Variants in SDR16C5 observed in about 807,000 individuals in gnomAD.
SDR16C5 encodes the protein short chain dehydrogenase/reductase family 16C member 5.
Under a neutral mutation model 27.7 loss-of-function variants are expected in SDR16C5, and 20 were observed. That is an observed-to-expected ratio of 0.72 (90% CI 0.51 to 1.05). SDR16C5 has a LOEUF of 1.05. SDR16C5 is among the 50% of genes least tolerant of loss of function. The pLI, the probability that SDR16C5 is intolerant of heterozygous loss-of-function variation, is 0.00. For missense variants in SDR16C5, 374 were observed against 366.3 expected, an observed-to-expected ratio of 1.02 and a Z score of -0.17; for synonymous variants, 139 against 132.3, an observed-to-expected ratio of 1.05 and a Z score of -0.35.
intron 1 of SDR16C5, among the ~76,000 whole-genome samples, chr8:56,317,734 C>T (rs1032463475): frequency 3.9e-5 from 6 of 152,182 alleles, no homozygotes; most frequent in Admixed American, 1.3e-4. Flanking sequence ...TTGTTCCTGG[C>T]TTATTGTACA....
rs73679813 is a variant in SDR16C5 at position 56,305,225 on chromosome 8, G to A, written c.836+372C>T. On this transcript the variant is annotated intron_variant, in intron 6 of 6. Coordinates refer to ENST00000303749, the MANE Select transcript of SDR16C5 (RefSeq NM_138969.4). Reference sequence around the variant, plus strand: ...TGTCTGGCCTTGACTTTGGGACCCTGTACTTGAGGAGGCATGGATACAATA... The same window carrying A: ...TGTCTGGCCTTGACTTTGGGACCCTATACTTGAGGAGGCATGGATACAATA... Among the ~76,000 whole-genome samples, 879 of 152,280 alleles carry A rather than the reference G, an allele frequency of 5.8e-3. 11 individuals carry two copies. Among genetic ancestry groups the A allele is most frequent in the African/African-American group, 0.021 (856 of 41,536 alleles).
chr8:56,304,933 C>T (rs992908699), intron 6 of SDR16C5, among the ~76,000 whole-genome samples: 1 of 152,128 alleles, frequency 6.6e-6, no homozygotes, highest in African/African-American at 2.4e-5. Context: ...CCATGCCTGG[C>T]TTATTTATTC....
chr8:56,301,685 GCA>G (rs1164950775), intron 6 of SDR16C5, 112 bp from the exon 7 acceptor site: 1 of 755,880 alleles, frequency 1.3e-6, no homozygotes, highest in Non-Finnish European at 2.3e-6. Flanking sequence ...ACTCACTCAT[GCA>G]CACACTATGC....
intron 5 of SDR16C5, 115 bp from the exon 6 acceptor site, chr8:56,305,837 CT>C: frequency 9.4e-7 from 1 of 1,064,530 alleles, no homozygotes; most frequent in South Asian, 1.7e-5. Context: ...TATTTCTTTG[CT>C]TTTCAATTTC....
intron 2 of SDR16C5, among the ~76,000 whole-genome samples, chr8:56,313,861 A>G (rs1226602578): frequency 5.9e-5 from 9 of 152,154 alleles, no homozygotes; most frequent in African/African-American, 2.2e-4. Context: ...ACGCTGTCAT[A>G]TCACTCTGAA....
At chr8:56,306,374 T>C (rs1814881028) in intron 5 of SDR16C5, among the ~76,000 whole-genome samples, 4 of 152,140 alleles carry the variant, frequency 2.6e-5, no homozygotes. Flanking sequence ...CCTCCTGGAA[T>C]CAGAGAGGGA....
At chr8:56,311,286 G>T (rs927504305) in intron 3 of SDR16C5, among the ~76,000 whole-genome samples, 1 of 152,016 alleles carries the variant, frequency 6.6e-6, no homozygotes, top group East Asian at 1.9e-4. Context: ...GTGGTGGCGC[G>T]CACCTGTAAT....
Position 56,305,721 on chromosome 8 carries a change from A to G in SDR16C5, c.712T>C (p.Cys238Arg). Reference sequence around the variant, plus strand: ...TCCAGAATTGGCAACAGAGAAGGACAGCTAGGATATAAAATGACAACAATT... The same window carrying G: ...TCCAGAATTGGCAACAGAGAAGGACGGCTAGGATATAAAATGACAACAATT... ...TGMFEGCTTG[C>R]PSLLPILEPK... The change falls in exon 6 of 7, where the codon TGT becomes CGT. Residue 238 changes from cysteine (C) to arginine (R), a missense_variant and splice_region_variant. Physicochemically the swap from Cys to Arg is radical, Grantham distance 180 (BLOSUM62 -3). Transcript: ENST00000303749. 1 of 1,581,912 alleles carries G rather than the reference A, an allele frequency of 6.3e-7. No individual in the cohort carries two copies. The highest frequency in any genetic ancestry group is 8.5e-7 in the Non-Finnish European group (1 of 1,171,256).
At position 56,305,671 on chromosome 8, in the gene SDR16C5, T is replaced by G. The variant is rs935843764; in HGVS notation, c.762A>C (p.Ile254=). The change falls in exon 6 of 7, where the codon ATA becomes ATC. Residue 254 remains isoleucine, a synonymous_variant. Coordinates refer to ENST00000303749, the MANE Select transcript of SDR16C5 (RefSeq NM_138969.4). Reference sequence around the variant, plus strand: ...TTTTTTCTTGTAGAATAGCTTCTACTATTTTTTCAACTGCATATTTTGGTT... The same window carrying G: ...TTTTTTCTTGTAGAATAGCTTCTACGATTTTTTCAACTGCATATTTTGGTT... The part of the protein sequence containing the change: ...ILEPKYAVEK[I]VEAILQEKMY... 6.2e-7 allele frequency: 1 copy of G among 1,604,726 alleles called. No homozygotes were observed. Among genetic ancestry groups the G allele is most frequent in the Non-Finnish European group, 8.5e-7 (1 of 1,177,228 alleles).
intron 3 of SDR16C5, chr8:56,309,521 G>C (rs1049978153): frequency 1.0e-6 from 1 of 985,080 alleles, no homozygotes; most frequent in South Asian, 4.7e-5. Context: ...TCGTAAAACA[G>C]AATATCTATT....
At chr8:56,303,717 G>A (rs1814815698) in intron 6 of SDR16C5, among the ~76,000 whole-genome samples, 1 of 152,176 alleles carries the variant, frequency 6.6e-6, no homozygotes, top group South Asian at 2.1e-4. Flanking sequence ...CCCATAACTA[G>A]TATTGCATAA....
At position 56,305,781 on chromosome 8, in the gene SDR16C5, G is replaced by T. The variant is rs7003428; in HGVS notation, c.711-59C>A. 599 of 1,518,818 alleles carry T rather than the reference G, an allele frequency of 3.9e-4. 3 individuals are homozygous for T. The African/African-American group carries it at 8.0e-3, about 20-fold the overall frequency. The allele number at this position is 1,518,818 out of a possible 1,614,324, so 94.1% of individuals were successfully genotyped here. ...CCTGAAGGCCAAATTCATAAATAAA[G>T]ATAATTTTTCAAATTAGGGATAAAA... On this transcript the variant is annotated intron_variant, in intron 5 of 6. Transcript: ENST00000303749.
chr8:56,304,788 C>T (rs1814841569), intron 6 of SDR16C5, among the ~76,000 whole-genome samples: 1 of 152,038 alleles, frequency 6.6e-6, no homozygotes, highest in Admixed American at 6.6e-5. Flanking sequence ...CCTCAAACCC[C>T]TGGGTTCAAG....
chr8:56,317,915 G>A (rs931973222), intron 1 of SDR16C5, among the ~76,000 whole-genome samples: 2 of 152,170 alleles, frequency 1.3e-5, no homozygotes, highest in African/African-American at 4.8e-5. Context: ...CATAATCTCT[G>A]TGCAGGTGAG....
intron 2 of SDR16C5, among the ~76,000 whole-genome samples, chr8:56,315,513 G>T (rs1227067541): frequency 6.6e-6 from 1 of 152,240 alleles, no homozygotes; most frequent in South Asian, 2.1e-4. Flanking sequence ...ACAGAATATG[G>T]ATTCAAATCC....
chr8:56,308,752 G>A (rs915131032), intron 4 of SDR16C5, among the ~76,000 whole-genome samples, 176 bp downstream of exon 4: 1 of 152,180 alleles, frequency 6.6e-6, no homozygotes, highest in South Asian at 2.1e-4. Context: ...TTTCATGTAA[G>A]TCTATCTGAT....
chr8:56,306,640 G>A, intron 5 of SDR16C5, 36 bp downstream of exon 5: 1 of 1,509,930 alleles, frequency 6.6e-7, no homozygotes, highest in South Asian at 1.3e-5. Context: ...ACATTTTTAA[G>A]AGTGTAGATT....
At chr8:56,309,817 G>A (rs1814978299) in intron 3 of SDR16C5, among the ~76,000 whole-genome samples, 1 of 152,106 alleles carries the variant, frequency 6.6e-6, no homozygotes, top group Non-Finnish European at 1.5e-5. Context: ...ACACTCTGGG[G>A]TCTGCCATGA....
In SDR16C5 at chr8:56,301,574, C is replaced by A. The variant is rs761134843; in HGVS notation, c.837-1G>T. On this transcript the variant is annotated splice_acceptor_variant, in intron 6 of 6. Transcript: ENST00000303749. LOFTEE classifies it high-confidence loss of function. ...CAGTCCTGTCTTGAGGGGCAAAAAG[C>A]TAAAGAGAACACAAGAATAAACTTT... 16 of 1,608,268 alleles carry A rather than the reference C, an allele frequency of 9.9e-6. No individual in the cohort carries two copies. The South Asian group carries it at 1.8e-4, about 18-fold the overall frequency.
Sources: gnomAD v4.1 joint callset for allele counts (sites outside exome capture counted in the v4.1 genomes callset) on GRCh38, gnomAD v4.1.1 for gene constraint, MANE v1.5 for transcripts, NCBI Gene and HGNC (gene_info 2026-07-23, HGNC 2026-07-21) for gene names.